Variants in ATP11A observed in about 807,000 individuals in gnomAD.
The protein encoded by ATP11A is ATPase phospholipid transporting 11A.
ATP11A carries 81 observed loss-of-function variants against 154.4 expected under a neutral mutation model. The ratio of observed to expected loss-of-function variants is 0.52; its 90% CI spans 0.44 to 0.63. The LOEUF is 0.63. Among genes scored for constraint, ATP11A ranks in the 30% least tolerant of loss-of-function variants. The probability of loss-of-function intolerance (pLI) is 0.00; values close to 1 mark genes in which losing one functional copy is unlikely to be tolerated. For synonymous variants in ATP11A, 623 were observed against 585.9 expected (o/e 1.06, Z -0.91); for missense variants, 1,316 against 1,474.3 (o/e 0.89, Z 1.76).
At chr13:112,873,365 AGCG>A (rs1566601744) in intron 26 of ATP11A, 2 of 525,538 alleles carry the variant, frequency 3.8e-6, no homozygotes, top group Non-Finnish European at 6.7e-6. Flanking sequence ...TGTCTTCCTG[AGCG>A]GTGTGAGGTG....
chr13:112,852,975 A>G (rs1374131772), intron 18 of ATP11A, among the ~76,000 whole-genome samples: 1 of 152,066 alleles, frequency 6.6e-6, no homozygotes, highest in African/African-American at 2.4e-5. Context: ...AATCCTCGCA[A>G]TTTGGGAGGC....
rs527959486 is a variant in ATP11A, at chr13:112,883,022, C to T, written c.*1156C>T. 4.9e-4 allele frequency: 194 copies of T among 398,158 alleles called. No individual in the cohort carries two copies. Among genetic ancestry groups the T allele is most frequent in the Non-Finnish European group, 7.0e-4 (158 of 226,116 alleles). 24.7% of individuals were successfully genotyped at this position (398,158 alleles called of 1,614,324 possible). On this transcript the variant is annotated 3_prime_UTR_variant, in exon 30 of 30. Transcript: ENST00000375645. ...CCCACGTCCCCTCGTCCCATCCCCACGTCCCCTCATCCCGTCACCTCGTCC... is the reference window on the plus strand; with the variant it reads ...CCCACGTCCCCTCGTCCCATCCCCATGTCCCCTCATCCCGTCACCTCGTCC...
At chr13:112,837,520 A>G (rs1452333456) in intron 16 of ATP11A, among the ~76,000 whole-genome samples, 2 of 152,082 alleles carry the variant, frequency 1.3e-5, no homozygotes, top group Non-Finnish European at 2.9e-5. Flanking sequence ...AGTGCTCCCA[A>G]ATCCTGTGCC....
intron 16 of ATP11A, among the ~76,000 whole-genome samples, chr13:112,841,746 C>A (rs2079427054): frequency 6.6e-6 from 1 of 152,386 alleles, no homozygotes; most frequent in African/African-American, 2.4e-5. Context: ...TTATCTGAGG[C>A]CTGAGAAGCC....
In ATP11A at chr13:112,732,118, A is replaced by G. The variant is rs571334600; in HGVS notation, c.39+41663A>G. On this transcript the variant is annotated intron_variant, in intron 1 of 29. Coordinates refer to ENST00000375645, the MANE Select transcript of ATP11A (RefSeq NM_015205.3). ...TGTCGGGAAGTTGGTTGGGAGTTTTAGGGACGTGGCAATAACTGCGTCCCA... is the reference window on the plus strand; with the variant it reads ...TGTCGGGAAGTTGGTTGGGAGTTTTGGGGACGTGGCAATAACTGCGTCCCA... 2.8e-3 allele frequency among the ~76,000 whole-genome samples: 432 copies of G among 152,214 alleles called. 1 individual carries two copies. Among genetic ancestry groups the G allele is most frequent in the Admixed American group, 5.0e-3 (76 of 15,290 alleles).
At chr13:112,732,891 G>A (rs1014439814) in intron 1 of ATP11A, among the ~76,000 whole-genome samples, 8 of 152,188 alleles carry the variant, frequency 5.3e-5, no homozygotes, top group African/African-American at 9.7e-5. Context: ...GTGATTACAG[G>A]TGTGAGTCAC....
chr13:112,779,961 A>C (rs950174011), intron 1 of ATP11A, among the ~76,000 whole-genome samples: 9 of 152,068 alleles, frequency 5.9e-5, no homozygotes, highest in African/African-American at 2.2e-4. Flanking sequence ...AAAGAAAATC[A>C]CTTGAGTCAT....
intron 1 of ATP11A, among the ~76,000 whole-genome samples, chr13:112,775,223 T>C (rs1180200470): frequency 6.6e-6 from 1 of 152,244 alleles, no homozygotes; most frequent in Non-Finnish European, 1.5e-5. Flanking sequence ...GTGTTTCTTC[T>C]TCCAGTGGGG....
intron 2 of ATP11A, among the ~76,000 whole-genome samples, chr13:112,789,262 G>A (rs868598232): frequency 2.0e-5 from 3 of 148,254 alleles, no homozygotes; most frequent in East Asian, 2.0e-4. Context: ...GTCCTGATGC[G>A]TAGACTCCTG....
intron 2 of ATP11A, among the ~76,000 whole-genome samples, chr13:112,787,626 AT>A (rs1257648613): frequency 6.7e-5 from 8 of 119,044 alleles, no homozygotes; most frequent in African/African-American, 1.1e-4. Context: ...GACCTACTTA[AT>A]TCACACCAAG....
intron 5 of ATP11A, among the ~76,000 whole-genome samples, chr13:112,814,452 T>C (rs1277338212): frequency 6.6e-6 from 1 of 152,086 alleles, no homozygotes; most frequent in Non-Finnish European, 1.5e-5. Context: ...CTTTCTCCCA[T>C]GTTTCTTTCT....
rs1887125185 is a variant in ATP11A at position 112,706,215 on chromosome 13, T to TA, written c.39+15764dup. On this transcript the variant is annotated intron_variant, in intron 1 of 29. Transcript: ENST00000375645. ...TTTTCTTTTAAATAATTGGCCATAG[T>TA]AAAAGGTAAAAAGGTAAAAACTTGA... Among the ~76,000 whole-genome samples, 5 of 152,220 alleles carry TA rather than the reference T, an allele frequency of 3.3e-5. 1 individual carries two copies. The highest frequency in any genetic ancestry group is 1.2e-4 in the African/African-American group (5 of 41,520).
At chr13:112,798,084 G>A (rs1660198244) in intron 2 of ATP11A, among the ~76,000 whole-genome samples, 1 of 152,092 alleles carries the variant, frequency 6.6e-6, no homozygotes, top group Non-Finnish European at 1.5e-5. Flanking sequence ...GGGCAAAGGG[G>A]CAAACTCCCT....
At chr13:112,867,391 T>C (rs1340966219) in intron 25 of ATP11A, among the ~76,000 whole-genome samples, 4 of 152,134 alleles carry the variant, frequency 2.6e-5, no homozygotes, top group African/African-American at 9.7e-5. Context: ...TCAGCGTGAA[T>C]GTGAACGTGC....
At position 112,825,563 on chromosome 13, in the gene ATP11A, G is replaced by C. The variant is rs1292313707; in HGVS notation, c.1006G>C (p.Glu336Gln). Residue 336 changes from glutamate (E) to glutamine (Q), a missense_variant, in exon 11 of 30, where the codon GAA (glutamate) becomes CAA (glutamine). Transcript: ENST00000375645. ...EPWYNQKTESERQRNLFLKAF... is the reference protein window; with the variant it reads ...EPWYNQKTESQRQRNLFLKAF... Reference sequence around the variant, plus strand: ...GTGGTATAATCAGAAAACGGAGTCGGAAAGGCAGAGGAATCTGGTATGGAG... The same window carrying C: ...GTGGTATAATCAGAAAACGGAGTCGCAAAGGCAGAGGAATCTGGTATGGAG... 10 of 1,613,298 alleles carry C rather than the reference G, an allele frequency of 6.2e-6. No homozygotes were observed. The highest frequency in any genetic ancestry group is 8.5e-6 in the Non-Finnish European group (10 of 1,179,622).
intron 1 of ATP11A, among the ~76,000 whole-genome samples, chr13:112,730,078 C>T (rs574143420): frequency 1.3e-5 from 2 of 152,224 alleles, no homozygotes; most frequent in African/African-American, 4.8e-5. Flanking sequence ...TGGTGGAGGA[C>T]GAGTTTCTTC....
chr13:112,720,475 C>T (rs1889020498), intron 1 of ATP11A, among the ~76,000 whole-genome samples: 2 of 152,288 alleles, frequency 1.3e-5, no homozygotes, highest in South Asian at 4.1e-4. Flanking sequence ...GGCCGCGGGT[C>T]CCGTGAGCCT....
At chr13:112,814,866 T>G (rs1281554010) in intron 5 of ATP11A, among the ~76,000 whole-genome samples, 3 of 152,224 alleles carry the variant, frequency 2.0e-5, no homozygotes, top group Non-Finnish European at 2.9e-5. Context: ...AGTTTTAGAA[T>G]TAGCTCATTT....
At chr13:112,833,629 G>A (rs1015330475) in intron 14 of ATP11A, among the ~76,000 whole-genome samples, 2 of 152,096 alleles carry the variant, frequency 1.3e-5, no homozygotes, top group African/African-American at 4.8e-5. Context: ...AATCATGTTC[G>A]CGCTTCTCAC....
Sources: gnomAD v4.1 joint callset for allele counts (sites outside exome capture counted in the v4.1 genomes callset) on GRCh38, gnomAD v4.1.1 for gene constraint, MANE v1.5 for transcripts, NCBI Gene and HGNC (gene_info 2026-07-23, HGNC 2026-07-21) for gene names.